NPAS2: variants seen among roughly 807,000 people sequenced by gnomAD.
NPAS2 encodes the protein neuronal PAS domain-containing protein 2.
Under a neutral mutation model 107.5 loss-of-function variants are expected in NPAS2, and 23 were observed. That is an observed-to-expected ratio of 0.21 (90% CI 0.15 to 0.30). The LOEUF (loss-of-function observed/expected upper bound fraction) is 0.30. Among genes scored for constraint, NPAS2 ranks in the 10% least tolerant of loss-of-function variants. NPAS2 has a pLI of 1.00. For missense variants in NPAS2, 756 were observed against 1,043.3 expected (o/e 0.72, Z 3.79); for synonymous variants, 403 against 417.5 (o/e 0.97, Z 0.42).
In NPAS2 at chr2:100,977,814, C is replaced by CAGGAA. The variant is rs776411306; in HGVS notation, c.1482+19_1482+23dup. 1 of 1,608,690 alleles carries CAGGAA rather than the reference C, an allele frequency of 6.2e-7. No homozygotes were observed. The highest frequency in any genetic ancestry group is 2.2e-5 in the East Asian group (1 of 44,840). On this transcript the variant is annotated intron_variant, in intron 15 of 20. Coordinates refer to ENST00000335681, the MANE Select transcript of NPAS2 (RefSeq NM_002518.4). Reference sequence around the variant, plus strand: ...CCATGGCACAGGTGAGTCTGGGACCCAGGAAAGGGCAGCCCCTCTCAAGCC... The same window carrying CAGGAA: ...CCATGGCACAGGTGAGTCTGGGACCCAGGAAAGGAAAGGGCAGCCCCTCTCAAGCC...
chr2:100,874,412 A>C (rs1679822747), intron 1 of NPAS2, among the ~76,000 whole-genome samples: 1 of 152,132 alleles, frequency 6.6e-6, no homozygotes, highest in African/African-American at 2.4e-5. Context: ...TTTACCCAAG[A>C]AGCTGAGAAT....
At chr2:100,941,969 A>G (rs955218175) in intron 5 of NPAS2, among the ~76,000 whole-genome samples, 1 of 152,114 alleles carries the variant, frequency 6.6e-6, no homozygotes, top group Non-Finnish European at 1.5e-5. Context: ...AACATTTGCC[A>G]TGTGCCTAAG....
intron 1 of NPAS2, among the ~76,000 whole-genome samples, chr2:100,863,147 A>G (rs1038879382): frequency 6.6e-6 from 1 of 152,212 alleles, no homozygotes; most frequent in Non-Finnish European, 1.5e-5. Context: ...ACTGTCTAAA[A>G]TAAGAGCTAG....
At chr2:100,975,783 A>C in intron 14 of NPAS2, 1 of 448,738 alleles carries the variant, frequency 2.2e-6, no homozygotes, top group Non-Finnish European at 3.9e-6. Context: ...ATCCATTAGA[A>C]TACAAAATCC....
At chr2:100,878,449 C>A (rs1477134028) in intron 1 of NPAS2, 1 of 985,418 alleles carries the variant, frequency 1.0e-6, no homozygotes, top group Non-Finnish European at 1.2e-6. Context: ...AGACCCACAG[C>A]AACAAGCTGG....
At chr2:100,957,886 C>T (rs1461625859) in intron 7 of NPAS2, among the ~76,000 whole-genome samples, 1 of 152,166 alleles carries the variant, frequency 6.6e-6, no homozygotes. Context: ...TGAGATCGCG[C>T]CACTGCACTC....
At chr2:100,973,178 CAA>C (rs1218358583) in intron 12 of NPAS2, among the ~76,000 whole-genome samples, 1 of 125,568 alleles carries the variant, frequency 8.0e-6, no homozygotes, top group Non-Finnish European at 1.7e-5. Context: ...GACTCCGTCT[CAA>C]AAAAAAAAAA....
At chr2:100,909,444 G>C (rs1468213659) in intron 2 of NPAS2, among the ~76,000 whole-genome samples, 1 of 152,170 alleles carries the variant, frequency 6.6e-6, no homozygotes, top group Non-Finnish European at 1.5e-5. Context: ...CATTTCTTTG[G>C]ATATAAATTC....
intron 1 of NPAS2, among the ~76,000 whole-genome samples, chr2:100,873,969 A>G (rs1428596346): frequency 6.7e-6 from 1 of 150,020 alleles, no homozygotes; most frequent in Non-Finnish European, 1.5e-5. Flanking sequence ...TATATAACCA[A>G]CTCTTTTTTT....
intron 19 of NPAS2, among the ~76,000 whole-genome samples, chr2:100,992,048 T>G (rs1678166060): frequency 6.6e-6 from 1 of 152,228 alleles, no homozygotes; most frequent in Non-Finnish European, 1.5e-5. Flanking sequence ...TCCGTTCATG[T>G]CTATCATTAG....
chr2:100,964,997 G>A (rs758412466), intron 9 of NPAS2, 54 bp downstream of exon 9: 26 of 1,192,270 alleles, frequency 2.2e-5, no homozygotes, highest in South Asian at 1.3e-4. Context: ...TCTTGTTTGC[G>A]TGAGCCAGGC....
chr2:100,827,974 G>T (rs957683964), intron 1 of NPAS2, among the ~76,000 whole-genome samples: 7 of 152,168 alleles, frequency 4.6e-5, no homozygotes, highest in Non-Finnish European at 1.0e-4. Flanking sequence ...TCTGTTTTAA[G>T]TTCTTTGAGA....
chr2:100,854,064 C>T (rs1414712115), intron 1 of NPAS2, among the ~76,000 whole-genome samples: 1 of 144,958 alleles, frequency 6.9e-6, no homozygotes, highest in East Asian at 2.1e-4. Flanking sequence ...GTTGGGAGAT[C>T]AGTTGAGCCT....
At chr2:100,821,452 G>A (rs1482009154) in intron 1 of NPAS2, among the ~76,000 whole-genome samples, 1 of 152,090 alleles carries the variant, frequency 6.6e-6, no homozygotes, top group East Asian at 1.9e-4. Flanking sequence ...AAAGTGGTTA[G>A]CCTGTTTTCC....
At chr2:100,835,505 G>C (rs1363228443) in intron 1 of NPAS2, among the ~76,000 whole-genome samples, 1 of 152,056 alleles carries the variant, frequency 6.6e-6, no homozygotes, top group Admixed American at 6.5e-5. Context: ...CGTGTGAAAG[G>C]GTACAAAAGA....
intron 1 of NPAS2, among the ~76,000 whole-genome samples, chr2:100,875,392 A>G (rs1558829757): frequency 1.3e-5 from 2 of 152,296 alleles, no homozygotes; most frequent in Non-Finnish European, 2.9e-5. Flanking sequence ...GACAGTTAAA[A>G]TGGTAAATTT....
intron 1 of NPAS2, among the ~76,000 whole-genome samples, chr2:100,873,165 T>G (rs572632546): frequency 1.4e-5 from 2 of 147,230 alleles, no homozygotes; most frequent in Non-Finnish European, 3.0e-5. Context: ...TAGCCAGAAA[T>G]TGCTTGAACC....
intron 1 of NPAS2, among the ~76,000 whole-genome samples, chr2:100,853,899 T>C (rs2104490104): frequency 6.7e-6 from 1 of 148,866 alleles, no homozygotes; most frequent in African/African-American, 2.5e-5. Context: ...GAAGTCCTGG[T>C]CCGGGCACGG....
intron 1 of NPAS2, among the ~76,000 whole-genome samples, chr2:100,826,369 G>A (rs374194580): frequency 1.1e-4 from 17 of 152,136 alleles, no homozygotes; most frequent in African/African-American, 2.7e-4. Flanking sequence ...TTGAACCAGC[G>A]AGTCGGAGGT....
Sources: gnomAD v4.1 joint callset for allele counts (sites outside exome capture counted in the v4.1 genomes callset) on GRCh38, gnomAD v4.1.1 for gene constraint, MANE v1.5 for transcripts, NCBI Gene and HGNC (gene_info 2026-07-23, HGNC 2026-07-21) for gene names.